CPZ: variants seen among roughly 807,000 people sequenced by gnomAD.
The protein encoded by CPZ is VEZT/CPZ fusion.
In CPZ, 103 loss-of-function variants were observed where a neutral mutation model predicts 61.8. The ratio of observed to expected loss-of-function variants is 1.67; its 90% CI spans 1.42 to 1.96. CPZ has a LOEUF of 1.96. CPZ is among the 30% of genes most tolerant of loss of function. The pLI is 0.00. For missense variants in CPZ, 1,461 were observed against 914.9 expected (o/e 1.60, Z -7.70); for synonymous variants, 551 against 373.7 (o/e 1.47, Z -5.47).
In CPZ at chr4:8,606,309, A is replaced by G. The variant is rs1714997751; in HGVS notation, c.906+124A>G. The G allele has an allele frequency of 1.1e-5, 11 of 969,002 alleles. No individual in the cohort carries two copies. In the South Asian group the frequency reaches 1.7e-4, roughly 15 times the overall value. 60.0% of individuals were successfully genotyped at this position (969,002 alleles called of 1,614,324 possible). ...CCTCTCTAGGAGAGGAGCATTCAGC[A>G]GGTGTCGATACTGGCAAACCCCTGC... is the stretch of plus-strand genomic sequence containing the variant. On this transcript the variant is annotated intron_variant, in intron 5 of 10. Coordinates refer to ENST00000360986, the MANE Select transcript of CPZ (RefSeq NM_001014447.3).
chr4:8,608,913 C>T (rs562828786), intron 7 of CPZ, among the ~76,000 whole-genome samples: 82 of 152,306 alleles, frequency 5.4e-4, no homozygotes, highest in African/African-American at 1.9e-3. Flanking sequence ...GCTGAGCACT[C>T]TGCAGACCAG....
rs547474004 is a variant in CPZ, at chr4:8,616,454, G to A, written c.1503+1956G>A. Among the ~76,000 whole-genome samples the A allele has an allele frequency of 3.2e-4, 48 of 152,262 alleles. 1 individual carries two copies. The highest frequency in any genetic ancestry group is 7.7e-4 in the East Asian group (4 of 5,162). On this transcript the variant is annotated intron_variant, in intron 9 of 10. Transcript: ENST00000360986. ...CCCTCCTGGGAGAGCCCCTGCTCTCGGGTGGGGCTAGGGGAGGCAGAAGTG... is the reference window on the plus strand; with the variant it reads ...CCCTCCTGGGAGAGCCCCTGCTCTCAGGTGGGGCTAGGGGAGGCAGAAGTG...
intron 8 of CPZ, among the ~76,000 whole-genome samples, chr4:8,613,815 G>C (rs1210427847): frequency 6.6e-6 from 1 of 152,218 alleles, no homozygotes; most frequent in Non-Finnish European, 1.5e-5. Flanking sequence ...GGTCTCCCTG[G>C]GAGATGGAGC....
At position 8,606,743 on chromosome 4, in the gene CPZ, G is replaced by A. The variant is rs757392661; in HGVS notation, c.913G>A (p.Gly305Ser). 7 of 1,614,118 alleles carry A rather than the reference G, an allele frequency of 4.3e-6. No homozygotes were observed. The highest frequency in any genetic ancestry group is 3.3e-5 in the Admixed American group (2 of 60,032). ...GGGTTGGCCATGTTTTCAGGGTGCC[G>A]GCTACAACGGGTGGACGAGCGGGAG... ...GYEVAAAEGAGYNGWTSGRQN... is the reference protein window; with the variant it reads ...GYEVAAAEGASYNGWTSGRQN... Residue 305 changes from glycine to serine, a missense_variant, in exon 6 of 11, where the codon GGC becomes AGC. Gly to Ser is a moderately conservative substitution (Grantham distance 56). Transcript: ENST00000360986.
chr4:8,604,806 C>T (rs1476003605), intron 4 of CPZ, among the ~76,000 whole-genome samples: 1 of 152,252 alleles, frequency 6.6e-6, no homozygotes, highest in African/African-American at 2.4e-5. Context: ...TCACCAGTTA[C>T]TGAAAAATGC....
intron 4 of CPZ, among the ~76,000 whole-genome samples, chr4:8,605,385 C>T (rs1258472757): frequency 7.0e-6 from 1 of 143,490 alleles, no homozygotes; most frequent in Admixed American, 6.9e-5. Context: ...ATCCATCATC[C>T]ACCCATTCAT....
At chr4:8,602,214 G>C (rs1033390420) in intron 3 of CPZ, 2 of 152,412 alleles carry the variant, frequency 1.3e-5, no homozygotes, top group African/African-American at 4.8e-5. Flanking sequence ...CTGGTTGGGG[G>C]CCCTGCATGG....
At chr4:8,602,357 T>C (rs866271663) in intron 3 of CPZ, 1 of 152,320 alleles carries the variant, frequency 6.6e-6, no homozygotes, top group Non-Finnish European at 1.5e-5. Flanking sequence ...CAGTTACCAC[T>C]GGCCGCATGT....
chr4:8,599,562 G>T (rs1333816599), intron 2 of CPZ, 77 bp downstream of exon 2: 1 of 1,591,572 alleles, frequency 6.3e-7, no homozygotes, highest in African/African-American at 1.3e-5. Context: ...ACTTTAGGCA[G>T]CTGAATCCGT....
intron 7 of CPZ, chr4:8,611,026 CCTCACTCTTTCACTTGCTCACGCATTCG>C (rs1560299779): frequency 6.0e-6 from 2 of 330,868 alleles, no homozygotes; most frequent in Non-Finnish European, 1.3e-5. Context: ...TCACTCATTC[CCTCACTCTTTCACTTGCTCACGCATTCG>C]CTCACTCACT....
At chr4:8,597,567 T>C (rs976341525) in intron 1 of CPZ, 4 of 152,106 alleles carry the variant, frequency 2.6e-5, no homozygotes, top group African/African-American at 9.7e-5. Flanking sequence ...CCAGCGCGCG[T>C]TGTGGGCGTC....
At chr4:8,608,135 T>TCCAGCTC (rs1553877381) in intron 7 of CPZ, among the ~76,000 whole-genome samples, 18 of 137,574 alleles carry the variant, frequency 1.3e-4, no homozygotes, top group Non-Finnish European at 2.5e-4. Context: ...GGCCCCAGCC[T>TCCAGCTC]CCAGCCCCCA....
intron 9 of CPZ, chr4:8,618,179 G>T (rs532418201): frequency 1.4e-5 from 7 of 507,238 alleles, no homozygotes; most frequent in South Asian, 2.2e-5. Context: ...GCCAGGCCTC[G>T]GGTGAGATGC....
intron 7 of CPZ, among the ~76,000 whole-genome samples, chr4:8,609,027 C>CTTCACTCACCCA (rs1230807968): frequency 2.5e-5 from 2 of 79,898 alleles, no homozygotes; most frequent in South Asian, 9.5e-4. Context: ...TAACTCACTC[C>CTTCACTCACCCA]TTCACTCACC....
intron 8 of CPZ, 122 bp from the exon 9 acceptor site, chr4:8,614,229 ACGTCCCGG>A (rs1173812443): frequency 3.2e-5 from 41 of 1,282,246 alleles, no homozygotes; most frequent in Non-Finnish European, 4.2e-5. Context: ...TGACACCCCG[ACGTCCCGG>A]CTGTCTCTGC....
At chr4:8,594,775 CT>C (rs35276800) in intron 1 of CPZ, among the ~76,000 whole-genome samples, 85,966 of 141,516 alleles carry the variant, frequency 0.61, 25,937 homozygotes, top group Admixed American at 0.75. Flanking sequence ...ATAACAAATT[CT>C]TTTTTTTTTT....
At chr4:8,617,326 G>C (rs1716262664) in intron 9 of CPZ, among the ~76,000 whole-genome samples, 1 of 152,166 alleles carries the variant, frequency 6.6e-6, no homozygotes, top group Non-Finnish European at 1.5e-5. Context: ...AGTCACTACG[G>C]CAGAGCTGAT....
chr4:8,619,484 C>T lies in CPZ; in HGVS notation c.1826C>T (p.Ser609Phe), dbSNP rs368652750. The T allele has an allele frequency of 3.1e-6, 5 of 1,608,768 alleles. No homozygotes were observed. The highest frequency in any genetic ancestry group is 2.2e-5 in the East Asian group (1 of 44,710). Residue 609 changes from serine to phenylalanine, a missense_variant, in exon 11 of 11, where the codon TCT (serine) becomes TTT (phenylalanine). By Grantham distance (155) the Ser-to-Phe change is radical. Transcript: ENST00000360986. ...CACGACCCACTGGGAGGTGCCAGCTCTTTGGGGGAGGCCACGGAGCCCGAC... is the reference window on the plus strand; with the variant it reads ...CACGACCCACTGGGAGGTGCCAGCTTTTTGGGGGAGGCCACGGAGCCCGAC... ...GPHDPLGGASSLGEATEPDPL... is the reference protein window; with the variant it reads ...GPHDPLGGASFLGEATEPDPL...
rs943538680 is a variant in CPZ, at chr4:8,608,902, A to G, written c.1227+1477A>G. Among the ~76,000 whole-genome samples the G allele has an allele frequency of 2.0e-5, 3 of 152,170 alleles. No individual in the cohort carries two copies. The East Asian group carries it at 5.8e-4, about 29-fold the overall frequency. On this transcript the variant is annotated intron_variant, in intron 7 of 10. Coordinates refer to ENST00000360986, the MANE Select transcript of CPZ (RefSeq NM_001014447.3). ...TGGCCCAGCAGGAATGGGGAGAGCA[A>G]GCTGAGCACTCTGCAGACCAGGGGC...
Sources: allele counts gnomAD v4.1 joint callset (sites outside exome capture counted in the v4.1 genomes callset), GRCh38; gene constraint gnomAD v4.1.1; transcripts MANE v1.5; gene names NCBI Gene and HGNC (gene_info 2026-07-23, HGNC 2026-07-21).